MAD1L1: variants seen among roughly 807,000 people sequenced by gnomAD.
MAD1L1 encodes the protein mitotic arrest deficient 1 like 1, also known as mitotic spindle assembly checkpoint protein MAD1.
In MAD1L1, 95 loss-of-function variants were observed where a neutral mutation model predicts 96.9. That is an observed-to-expected ratio of 0.98 (90% CI 0.83 to 1.16). The LOEUF (loss-of-function observed/expected upper bound fraction) is 1.16. MAD1L1 is among the 50% of genes most tolerant of loss of function. The pLI is 0.00. For missense variants in MAD1L1, 1,007 were observed against 954.4 expected, an observed-to-expected ratio of 1.06 and a Z score of -0.73; for synonymous variants, 473 against 396.6, an observed-to-expected ratio of 1.19 and a Z score of -2.29.
intron 5 of MAD1L1, 58 bp downstream of exon 5, chr7:2,222,517 A>G: frequency 6.9e-7 from 1 of 1,457,634 alleles, no homozygotes; most frequent in Non-Finnish European, 9.1e-7. Flanking sequence ...GGCAAACAAG[A>G]GCATGCACTC....
chr7:2,043,835 C>G (rs1783801777), intron 12 of MAD1L1, among the ~76,000 whole-genome samples: 1 of 152,248 alleles, frequency 6.6e-6, no homozygotes, highest in African/African-American at 2.4e-5. Flanking sequence ...TAGACATAAG[C>G]TGGGCCCAGG....
chr7:1,834,107 A>T (rs1782834016), intron 18 of MAD1L1, among the ~76,000 whole-genome samples: 1 of 152,228 alleles, frequency 6.6e-6, no homozygotes, highest in African/African-American at 2.4e-5. Context: ...ATCAAAAGGG[A>T]GGTTAGTTAA....
chr7:2,166,728 G>T (rs1158396455), intron 10 of MAD1L1, among the ~76,000 whole-genome samples: 1 of 152,214 alleles, frequency 6.6e-6, no homozygotes, highest in Non-Finnish European at 1.5e-5. Flanking sequence ...GTGACAGCGT[G>T]TGTCCACTGT....
intron 14 of MAD1L1, among the ~76,000 whole-genome samples, chr7:1,981,972 C>T (rs1397309307): frequency 6.6e-6 from 1 of 152,078 alleles, no homozygotes; most frequent in African/African-American, 2.4e-5. Context: ...TGCCCATGCC[C>T]TGAGCAGCCT....
chr7:2,195,294 C>G (rs975601854), intron 10 of MAD1L1, among the ~76,000 whole-genome samples: 1 of 152,124 alleles, frequency 6.6e-6, no homozygotes, highest in Non-Finnish European at 1.5e-5. Context: ...TTTTCTTATC[C>G]GAGTCAATAA....
At chr7:2,154,700 T>C (rs917718054) in intron 10 of MAD1L1, among the ~76,000 whole-genome samples, 8 of 152,138 alleles carry the variant, frequency 5.3e-5, no homozygotes, top group African/African-American at 1.2e-4. Context: ...CTTTAGCTAG[T>C]GGAAACAGAA....
At chr7:1,823,222 AT>A (rs1474885281) in intron 18 of MAD1L1, among the ~76,000 whole-genome samples, 1 of 152,084 alleles carries the variant, frequency 6.6e-6, no homozygotes, top group Admixed American at 6.6e-5. Context: ...TTAAAAAAAA[AT>A]TTTTTTGACC....
intron 10 of MAD1L1, among the ~76,000 whole-genome samples, chr7:2,206,793 A>T (rs1459880379): frequency 6.6e-6 from 1 of 151,768 alleles, no homozygotes; most frequent in African/African-American, 2.4e-5. Flanking sequence ...AAATTTTAGA[A>T]ATTGTCAGCC....
intron 3 of MAD1L1, among the ~76,000 whole-genome samples, chr7:2,229,613 C>T (rs35791351): frequency 0.33 from 49,770 of 152,152 alleles, 8,483 homozygotes; most frequent in East Asian, 0.51. Flanking sequence ...GTTTCCAACA[C>T]AGCCTTCCCG....
At chr7:2,109,723 A>G (rs565327925) in intron 11 of MAD1L1, 1 of 152,246 alleles carries the variant, frequency 6.6e-6, no homozygotes, top group Non-Finnish European at 1.5e-5. Context: ...CCTCTAAATA[A>G]AACTCATGGC....
chr7:2,162,254 T>C (rs1219839836), intron 10 of MAD1L1, among the ~76,000 whole-genome samples: 2 of 152,202 alleles, frequency 1.3e-5, no homozygotes, highest in Admixed American at 6.5e-5. Flanking sequence ...GAAAAATTCT[T>C]CTGCCTTGGG....
intron 12 of MAD1L1, among the ~76,000 whole-genome samples, chr7:2,038,925 A>C (rs950003487): frequency 2.0e-5 from 3 of 152,226 alleles, no homozygotes; most frequent in African/African-American, 7.2e-5. Context: ...CATCTGGCAC[A>C]ACTACAGCAC....
chr7:1,842,760 C>T (rs991310873), intron 18 of MAD1L1, among the ~76,000 whole-genome samples: 1 of 152,352 alleles, frequency 6.6e-6, no homozygotes, highest in Non-Finnish European at 1.5e-5. Flanking sequence ...GCCCAGGGCA[C>T]GGTCAGGCTG....
chr7:2,166,612 A>G lies in MAD1L1; in HGVS notation c.987-17374T>C, dbSNP rs560143346. Among the ~76,000 whole-genome samples, 4 of 147,890 alleles carry G rather than the reference A, an allele frequency of 2.7e-5. No individual in the cohort carries two copies. The South Asian group carries it at 8.5e-4, about 31-fold the overall frequency. ...AAGCTAGATAATGGCCCCAAACACA[A>G]CTTCGGCAAGAAGCTCAGAACAGGG... On this transcript the variant is annotated intron_variant, in intron 10 of 18. Coordinates refer to ENST00000265854, the MANE Select transcript of MAD1L1 (RefSeq NM_001013836.2).
intron 14 of MAD1L1, among the ~76,000 whole-genome samples, chr7:1,997,484 C>T (rs572348003): frequency 1.6e-4 from 24 of 152,386 alleles, no homozygotes; most frequent in African/African-American, 5.8e-4. Flanking sequence ...GGAGGGGCCT[C>T]AGAGCCAGAC....
chr7:1,981,201 G>A (rs933478310), intron 14 of MAD1L1, among the ~76,000 whole-genome samples: 3 of 152,118 alleles, frequency 2.0e-5, no homozygotes, highest in South Asian at 2.1e-4. Context: ...TCCTGACCTC[G>A]GGTGATTCAC....
chr7:1,913,974 G>A (rs552067658), intron 17 of MAD1L1, among the ~76,000 whole-genome samples: 21 of 152,020 alleles, frequency 1.4e-4, no homozygotes, highest in Admixed American at 6.5e-4. Context: ...ACGCCATGCT[G>A]GGGGGGGAGA....
intron 18 of MAD1L1, among the ~76,000 whole-genome samples, chr7:1,832,245 G>A (rs1313992619): frequency 6.6e-6 from 1 of 152,118 alleles, no homozygotes; most frequent in Non-Finnish European, 1.5e-5. Flanking sequence ...AGAGGTCAGT[G>A]GAGGAAGATG....
chr7:2,172,570 C>T (rs1790757044), intron 10 of MAD1L1, among the ~76,000 whole-genome samples: 1 of 152,246 alleles, frequency 6.6e-6, no homozygotes, highest in Non-Finnish European at 1.5e-5. Flanking sequence ...GGCGCCGCCG[C>T]CAGGACGGGG....
Sources: gnomAD v4.1 joint callset for allele counts (sites outside exome capture counted in the v4.1 genomes callset) on GRCh38, gnomAD v4.1.1 for gene constraint, MANE v1.5 for transcripts, NCBI Gene and HGNC (gene_info 2026-07-23, HGNC 2026-07-21) for gene names.